TWF1: variants seen among roughly 807,000 people sequenced by gnomAD.
TWF1 encodes the protein twinfilin-1.
A neutral mutation model predicts 47.9 loss-of-function variants in TWF1; 14 were observed. That is an observed-to-expected ratio of 0.29 (90% CI 0.19 to 0.46). The LOEUF (loss-of-function observed/expected upper bound fraction) is 0.46. Ranked by LOEUF, TWF1 falls within the 20% of genes least tolerant of loss-of-function variation. TWF1 has a pLI of 1.00. For missense variants in TWF1, 281 were observed against 409.3 expected (o/e 0.69, Z 2.70); for synonymous variants, 96 against 139.2 (o/e 0.69, Z 2.18).
In TWF1 at chr12:43,794,188, T is replaced by A. The variant is rs1307776751; in HGVS notation, c.*1397A>T. On this transcript the variant is annotated 3_prime_UTR_variant, in exon 9 of 9. Coordinates refer to ENST00000395510, the MANE Select transcript of TWF1 (RefSeq NM_002822.5). Reference sequence around the variant, plus strand: ...GTGTACACCCATGGAACAACTTATATCTTTAGTAAACAAGTGCAACATTAT... The same window carrying A: ...GTGTACACCCATGGAACAACTTATAACTTTAGTAAACAAGTGCAACATTAT... 1 of 152,640 alleles carries A rather than the reference T, an allele frequency of 6.6e-6. No individual in the cohort carries two copies. The highest frequency in any genetic ancestry group is 1.5e-5 in the Non-Finnish European group (1 of 68,042). 9.5% of individuals were successfully genotyped at this position (152,640 alleles called of 1,614,324 possible).
rs939115244 is a variant in TWF1 at position 43,794,299 on chromosome 12, A to G, written c.*1286T>C. 6 of 152,666 alleles carry G rather than the reference A, an allele frequency of 3.9e-5. No homozygotes were observed. The highest frequency in any genetic ancestry group is 8.8e-5 in the Non-Finnish European group (6 of 68,054). The allele number at this position is 152,666 out of a possible 1,614,324, so 9.5% of individuals were successfully genotyped here. A position where few individuals can be genotyped will look rare whatever the true frequency, so the allele number is the denominator to read the frequency against. The stretch of plus-strand genomic sequence containing the variant: ...CAAATACTCTAAATTCTATTTTAAA[A>G]ATCTGTCAACCCACAATTATTCTAA... On this transcript the variant is annotated 3_prime_UTR_variant, in exon 9 of 9. Transcript: ENST00000395510.
chr12:43,805,862 C>T (rs759463313), intron 1 of TWF1: 3 of 1,423,578 alleles, frequency 2.1e-6, no homozygotes, highest in African/African-American at 1.4e-5. Context: ...AAGCCCCAGT[C>T]GCCTCCACTG....
chr12:43,794,585 A>C lies in TWF1; in HGVS notation c.*1000T>G, dbSNP rs1246663044. 1 of 150,250 alleles carries C rather than the reference A, an allele frequency of 6.7e-6. No homozygotes were observed. The highest frequency in any genetic ancestry group is 2.5e-5 in the African/African-American group (1 of 40,558). 9.3% of individuals were successfully genotyped at this position (150,250 alleles called of 1,614,324 possible). On this transcript the variant is annotated 3_prime_UTR_variant, in exon 9 of 9. Transcript: ENST00000395510. ...CTCCCTCTATTTCAAGTATCAAAGA[A>C]ATATGAGGCTCAAAATCTCTCTAGG...
At chr12:43,805,940 G>GC (rs1565703275) in intron 1 of TWF1, 1 of 1,530,042 alleles carries the variant, frequency 6.5e-7, no homozygotes, top group East Asian at 2.5e-5. Flanking sequence ...TGGAAGGCAC[G>GC]CCCCCTTCAA....
chr12:43,795,829 A>G, intron 8 of TWF1, 74 bp from the exon 9 acceptor site: 1 of 1,439,436 alleles, frequency 6.9e-7, no homozygotes, highest in East Asian at 2.3e-5. Flanking sequence ...AGGTATATGA[A>G]TGCTCACAAA....
intron 1 of TWF1, chr12:43,805,721 G>A (rs554012942): frequency 3.8e-5 from 41 of 1,085,928 alleles, no homozygotes; most frequent in Non-Finnish European, 4.4e-5. Context: ...AGAAAATGCG[G>A]GAGAGTTTTG....
intron 1 of TWF1, 65 bp from the exon 2 acceptor site, chr12:43,804,637 T>C: frequency 8.8e-7 from 1 of 1,135,392 alleles, no homozygotes; most frequent in Non-Finnish European, 1.3e-6. Flanking sequence ...CTATCTATAT[T>C]GGAAAAGTTA....
chr12:43,798,519 T>C, intron 5 of TWF1: 3 of 1,480,778 alleles, frequency 2.0e-6, no homozygotes. Context: ...ACAGCATAAA[T>C]GATATTGGTT....
intron 2 of TWF1, among the ~76,000 whole-genome samples, chr12:43,803,436 G>T (rs1239614242): frequency 1.3e-5 from 2 of 151,994 alleles, no homozygotes; most frequent in Non-Finnish European, 2.9e-5. Flanking sequence ...AAGATAAAAT[G>T]TTAGCAGTTA....
In TWF1 at chr12:43,806,281, T is replaced by A; in HGVS notation, c.-36A>T. 6.7e-7 allele frequency: 1 copy of A among 1,488,052 alleles called. No homozygotes were observed. Among genetic ancestry groups the A allele is most frequent in the Admixed American group, 2.2e-5 (1 of 44,584 alleles). 92.2% of individuals were successfully genotyped at this position (1,488,052 alleles called of 1,614,324 possible). On this transcript the variant is annotated 5_prime_UTR_variant, in exon 1 of 9. Coordinates refer to ENST00000395510, the MANE Select transcript of TWF1 (RefSeq NM_002822.5). Reference sequence around the variant, plus strand: ...GCTAGCTCCCGGCTCCGGCGCTGAGTGCAGCCAGCGGCCCCGGCCGGCGGC... The same window carrying A: ...GCTAGCTCCCGGCTCCGGCGCTGAGAGCAGCCAGCGGCCCCGGCCGGCGGC...
At chr12:43,798,531 A>C in intron 5 of TWF1, 1 of 1,495,618 alleles carries the variant, frequency 6.7e-7, no homozygotes, top group Non-Finnish European at 8.8e-7. Context: ...ATATTGGTTA[A>C]TGAAAACATC....
At chr12:43,800,317 C>T (rs1942635998) in intron 4 of TWF1, 118 bp downstream of exon 4, 1 of 684,484 alleles carries the variant, frequency 1.5e-6, no homozygotes, top group South Asian at 2.0e-5. Context: ...TACAGTATTT[C>T]TCTTATTCTC....
chr12:43,796,090 T>C (rs1038641467), intron 8 of TWF1, among the ~76,000 whole-genome samples: 8 of 152,208 alleles, frequency 5.3e-5, no homozygotes, highest in Non-Finnish European at 1.2e-4. Context: ...CTTGGGTCAC[T>C]TGAAAGCCCT....
At chr12:43,804,648 A>C (rs1942724530) in intron 1 of TWF1, 76 bp from the exon 2 acceptor site, 1 of 1,004,360 alleles carries the variant, frequency 1.0e-6, no homozygotes, top group South Asian at 1.6e-5. Context: ...GGAAAAGTTA[A>C]TTAGAATACA....
intron 4 of TWF1, among the ~76,000 whole-genome samples, chr12:43,799,902 AT>A (rs1420293399): frequency 8.5e-5 from 13 of 152,102 alleles, no homozygotes; most frequent in Non-Finnish European, 1.9e-4. Context: ...TTTCTTTGTA[AT>A]TATTCATGGA....
chr12:43,794,047 T>C lies in TWF1; in HGVS notation c.*1538A>G, dbSNP rs1368369117. ...GATGGTACAGAAAAACATTCACTTC[T>C]AAATTATTTTATACCTTCATGACAG... On this transcript the variant is annotated 3_prime_UTR_variant, in exon 9 of 9. Transcript: ENST00000395510. The C allele has an allele frequency of 6.6e-6, 1 of 152,666 alleles. No individual in the cohort carries two copies. The highest frequency in any genetic ancestry group is 1.5e-5 in the Non-Finnish European group (1 of 68,036). The allele number at this position is 152,666 out of a possible 1,614,324, so 9.5% of individuals were successfully genotyped here.
chr12:43,805,296 G>A (rs1215219960), intron 1 of TWF1, among the ~76,000 whole-genome samples: 1 of 152,140 alleles, frequency 6.6e-6, no homozygotes, highest in African/African-American at 2.4e-5. Flanking sequence ...AAATTAATGC[G>A]GATAAATAAA....
At chr12:43,801,016 T>A (rs1442555679) in intron 3 of TWF1, among the ~76,000 whole-genome samples, 1 of 152,144 alleles carries the variant, frequency 6.6e-6, no homozygotes, top group East Asian at 1.9e-4. Flanking sequence ...CTTCCCAAAG[T>A]TTAGGGATTA....
chr12:43,800,415 T>A lies in TWF1; in HGVS notation c.378+20A>T. On this transcript the variant is annotated intron_variant, in intron 4 of 8. Transcript: ENST00000395510. ...ATCATTTTAATTGCAACATATAGAA[T>A]CCACATACAAACATAATACCTTTAC... 6.3e-7 allele frequency: 1 copy of A among 1,575,254 alleles called. No individual in the cohort carries two copies. Among genetic ancestry groups the A allele is most frequent in the Non-Finnish European group, 8.7e-7 (1 of 1,150,468 alleles).
Sources: gnomAD v4.1 joint callset for allele counts (sites outside exome capture counted in the v4.1 genomes callset) on GRCh38, gnomAD v4.1.1 for gene constraint, MANE v1.5 for transcripts, NCBI Gene and HGNC (gene_info 2026-07-23, HGNC 2026-07-21) for gene names.